The following RGS17 variants were observed in gnomAD, a reference collection of about 807,000 sequenced individuals.
RGS17 encodes the protein regulator of G protein signaling 17.
RGS17 carries 12 observed loss-of-function variants against 25.5 expected under a neutral mutation model. That is an observed-to-expected ratio of 0.47 (90% CI 0.30 to 0.76). The LOEUF (loss-of-function observed/expected upper bound fraction) is 0.76. RGS17 is among the 30% of genes least tolerant of loss of function. RGS17 has a pLI of 0.07. For missense variants in RGS17, 196 were observed against 242.2 expected (o/e 0.81, Z 1.27); for synonymous variants, 71 against 76.9 (o/e 0.92, Z 0.40).
intron 2 of RGS17, among the ~76,000 whole-genome samples, chr6:153,036,215 G>A (rs754153588): frequency 3.3e-5 from 5 of 152,092 alleles, no homozygotes; most frequent in Non-Finnish European, 7.4e-5. Context: ...ACCACACTCG[G>A]CTAATTTTAA....
intron 1 of RGS17, among the ~76,000 whole-genome samples, chr6:153,070,898 CGTATATGTACATATGT>C (rs1776788595): frequency 6.7e-6 from 1 of 149,050 alleles, no homozygotes; most frequent in Non-Finnish European, 1.5e-5. Flanking sequence ...TGTACATATG[CGTATATGTACATATGT>C]GTACATGTGT....
At chr6:153,050,615 C>T (rs1194281644) in intron 1 of RGS17, among the ~76,000 whole-genome samples, 3 of 152,172 alleles carry the variant, frequency 2.0e-5, no homozygotes, top group Non-Finnish European at 4.4e-5. Flanking sequence ...ACTCCTCACA[C>T]TAATGGTAGG....
intron 1 of RGS17, among the ~76,000 whole-genome samples, chr6:153,066,967 G>A (rs1186005663): frequency 6.6e-6 from 1 of 152,118 alleles, no homozygotes; most frequent in Non-Finnish European, 1.5e-5. Flanking sequence ...GTGTACCTGG[G>A]AGGCGGAGCT....
intron 1 of RGS17, among the ~76,000 whole-genome samples, chr6:153,111,045 T>A (rs1345031580): frequency 7.2e-6 from 1 of 137,964 alleles, no homozygotes; most frequent in Admixed American, 7.1e-5. Flanking sequence ...TGCAGGAGTG[T>A]TTTTTTTTTT....
intron 1 of RGS17, among the ~76,000 whole-genome samples, chr6:153,056,644 C>T (rs1776563425): frequency 6.6e-6 from 1 of 152,128 alleles, no homozygotes; most frequent in Non-Finnish European, 1.5e-5. Flanking sequence ...GTTACTATTC[C>T]TGAAATGGGC....
chr6:153,056,911 G>A (rs1166607652), intron 1 of RGS17, among the ~76,000 whole-genome samples: 2 of 149,540 alleles, frequency 1.3e-5, no homozygotes, highest in African/African-American at 2.5e-5. Flanking sequence ...GTTCTCTATT[G>A]TAGATGCAAA....
chr6:153,119,387 A>G (rs1584167083), intron 1 of RGS17, among the ~76,000 whole-genome samples: 1 of 152,266 alleles, frequency 6.6e-6, no homozygotes, highest in South Asian at 2.1e-4. Flanking sequence ...CCAGCTGGCT[A>G]TGACTCTTAA....
At chr6:153,115,658 T>G (rs943032058) in intron 1 of RGS17, among the ~76,000 whole-genome samples, 29 of 152,172 alleles carry the variant, frequency 1.9e-4, no homozygotes, top group Non-Finnish European at 3.2e-4. Context: ...GGCATCACAC[T>G]ACCTGACTTC....
chr6:153,092,306 T>C (rs1777144356), intron 1 of RGS17, among the ~76,000 whole-genome samples: 1 of 152,206 alleles, frequency 6.6e-6, no homozygotes, highest in African/African-American at 2.4e-5. Flanking sequence ...AATTTAACTA[T>C]ACGATTTTGA....
chr6:153,089,051 C>T (rs1486297140), intron 1 of RGS17, among the ~76,000 whole-genome samples: 3 of 152,086 alleles, frequency 2.0e-5, no homozygotes, highest in Non-Finnish European at 2.9e-5. Flanking sequence ...ACTGCTCCCA[C>T]CTATAAAAGG....
At chr6:153,043,255 A>T (rs1776344508) in intron 2 of RGS17, among the ~76,000 whole-genome samples, 1 of 152,192 alleles carries the variant, frequency 6.6e-6, no homozygotes, top group Admixed American at 6.5e-5. Context: ...GCCAGTGATA[A>T]CACCACAATG....
intron 1 of RGS17, among the ~76,000 whole-genome samples, chr6:153,063,684 G>A (rs758544557): frequency 1.3e-5 from 2 of 152,180 alleles, no homozygotes; most frequent in African/African-American, 2.4e-5. Flanking sequence ...AGGGATAACA[G>A]AGAACTTCCC....
chr6:153,037,665 C>T (rs1776267250), intron 2 of RGS17, among the ~76,000 whole-genome samples: 1 of 151,746 alleles, frequency 6.6e-6, no homozygotes, highest in East Asian at 1.9e-4. Context: ...ACCTCGTGAT[C>T]CACCCACCTC....
intron 1 of RGS17, among the ~76,000 whole-genome samples, chr6:153,125,508 T>C (rs986551791): frequency 6.6e-6 from 1 of 152,212 alleles, no homozygotes; most frequent in African/African-American, 2.4e-5. Context: ...CCTCCCATCA[T>C]TATAAATTCT....
rs1295865720 is a variant in RGS17 at position 153,006,657 on chromosome 6, TA to T, written c.*4916del. On this transcript the variant is annotated 3_prime_UTR_variant, in exon 5 of 5. Coordinates refer to ENST00000206262, the MANE Select transcript of RGS17 (RefSeq NM_012419.5). ...GGGGAAAGTGCATTAAAGTGACATT[TA>T]ATACAAGTATACAATAACAATTATT... The T allele has an allele frequency of 2.3e-4, 35 of 152,488 alleles. No individual in the cohort carries two copies. Among genetic ancestry groups the T allele is most frequent in the African/African-American group, 7.9e-4 (33 of 41,582 alleles). 9.4% of individuals were successfully genotyped at this position (152,488 alleles called of 1,614,324 possible). A position where few individuals can be genotyped will look rare whatever the true frequency, so the allele number is the denominator to read the frequency against.
chr6:153,082,224 T>C (rs568560433), intron 1 of RGS17, among the ~76,000 whole-genome samples: 5 of 152,326 alleles, frequency 3.3e-5, no homozygotes, highest in East Asian at 1.9e-4. Context: ...TTGGAGTTTA[T>C]TGAACTCTTT....
chr6:153,040,809 T>C (rs905778074), intron 2 of RGS17, among the ~76,000 whole-genome samples: 2 of 151,892 alleles, frequency 1.3e-5, no homozygotes, highest in African/African-American at 4.8e-5. Flanking sequence ...TAAGACAATA[T>C]AGTCATAATT....
At chr6:153,064,712 CAG>C (rs1776684367) in intron 1 of RGS17, among the ~76,000 whole-genome samples, 2 of 151,472 alleles carry the variant, frequency 1.3e-5, no homozygotes, top group African/African-American at 4.9e-5. Flanking sequence ...TTTATGCAAA[CAG>C]TGTTAAGTTG....
At chr6:153,113,170 C>T (rs1390557955) in intron 1 of RGS17, among the ~76,000 whole-genome samples, 1 of 151,900 alleles carries the variant, frequency 6.6e-6, no homozygotes, top group Non-Finnish European at 1.5e-5. Context: ...TGTGCTGTAT[C>T]CAGGAGACCC....
Sources: allele counts gnomAD v4.1 joint callset (sites outside exome capture counted in the v4.1 genomes callset), GRCh38; gene constraint gnomAD v4.1.1; transcripts MANE v1.5; gene names NCBI Gene and HGNC (gene_info 2026-07-23, HGNC 2026-07-21).